HEATR5A: variants seen among roughly 807,000 people sequenced by gnomAD.
HEATR5A encodes HEAT repeat-containing protein 5A.
Under a neutral mutation model 218.8 loss-of-function variants are expected in HEATR5A, and 178 were observed. The ratio of observed to expected loss-of-function variants is 0.81; its 90% CI spans 0.72 to 0.92. The LOEUF (loss-of-function observed/expected upper bound fraction) is 0.92. Among genes scored for constraint, HEATR5A ranks in the 40% least tolerant of loss-of-function variants. The pLI, the probability that HEATR5A is intolerant of heterozygous loss-of-function variation, is 0.00. For missense variants in HEATR5A, 2,420 were observed against 2,418.9 expected (o/e 1.00, Z -0.01); for synonymous variants, 864 against 871.6 (o/e 0.99, Z 0.15).
intron 10 of HEATR5A, among the ~76,000 whole-genome samples, 154 bp from the exon 11 acceptor site, chr14:31,380,732 T>G (rs893318158): frequency 1.3e-5 from 2 of 152,164 alleles, no homozygotes; most frequent in Non-Finnish European, 2.9e-5. Flanking sequence ...AATAGGACTG[T>G]CATAAAGGAA....
chr14:31,317,679 T>C (rs538592541), intron 26 of HEATR5A, among the ~76,000 whole-genome samples: 3 of 152,302 alleles, frequency 2.0e-5, no homozygotes, highest in African/African-American at 4.8e-5. Flanking sequence ...CTTAAGTATA[T>C]GAAAAAGTGC....
chr14:31,311,774 TTCC>T (rs375198284), intron 28 of HEATR5A, among the ~76,000 whole-genome samples: 1 of 152,184 alleles, frequency 6.6e-6, no homozygotes, highest in African/African-American at 2.4e-5. Context: ...TAATTTTAAT[TTCC>T]TCAGCAAGGC....
rs73259371 is a variant in HEATR5A, at chr14:31,393,490, G to A, written c.772+562C>T. 8.1e-3 allele frequency among the ~76,000 whole-genome samples: 1,228 copies of A among 152,270 alleles called. 16 individuals carry two copies. The highest frequency in any genetic ancestry group is 0.028 in the African/African-American group (1,180 of 41,556). ...GGCACCACTGCTCTCCAGACTGGGTGACAGCAGACCCTGTCACACACACAA... is the reference window on the plus strand; with the variant it reads ...GGCACCACTGCTCTCCAGACTGGGTAACAGCAGACCCTGTCACACACACAA... On this transcript the variant is annotated intron_variant, in intron 6 of 35. Coordinates refer to ENST00000543095, the MANE Select transcript of HEATR5A (RefSeq NM_015473.4).
intron 1 of HEATR5A, among the ~76,000 whole-genome samples, chr14:31,407,602 A>ATT (rs2031123118): frequency 1.0e-3 from 1 of 968 alleles, no homozygotes; most frequent in African/African-American, 1.9e-3. Context: ...ATATATATAT[A>ATT]TATATATATA....
At chr14:31,364,065 T>C (rs907655044) in intron 14 of HEATR5A, 124 bp downstream of exon 14, 18 of 547,250 alleles carry the variant, frequency 3.3e-5, no homozygotes, top group Middle Eastern at 3.6e-4. Flanking sequence ...CTAAACCTCC[T>C]AGAAACAAGG....
At position 31,337,598 on chromosome 14, in the gene HEATR5A, G is replaced by A; in HGVS notation, c.3245C>T (p.Pro1082Leu). The A allele has an allele frequency of 6.2e-7, 1 of 1,600,646 alleles. No individual in the cohort carries two copies. The highest frequency in any genetic ancestry group is 8.5e-7 in the Non-Finnish European group (1 of 1,173,666). Residue 1082 changes from proline (P) to leucine (L), a missense_variant, in exon 22 of 36, where the codon CCC becomes CTC. Transcript: ENST00000543095. ...TACTGCTCTTCTCAGTAACAAGTAG[G>A]GGCTACAAAGATTCACCTGAAAAAT... ...VSCLCVNLCS[P>L]YLLLRRAVLA...
chr14:31,380,614 A>G (rs557950911), intron 10 of HEATR5A, 36 bp from the exon 11 acceptor site: 12 of 1,337,838 alleles, frequency 9.0e-6, no homozygotes, highest in Non-Finnish European at 1.3e-5. Flanking sequence ...AAAAAAGCAT[A>G]TCAGTTTATA....
chr14:31,361,949 T>A (rs893924919), intron 14 of HEATR5A, among the ~76,000 whole-genome samples: 3 of 148,130 alleles, frequency 2.0e-5, no homozygotes, highest in South Asian at 2.1e-4. Context: ...GAAATTTATT[T>A]ATTTATTTAT....
intron 11 of HEATR5A, among the ~76,000 whole-genome samples, chr14:31,376,534 C>G (rs1426633616): frequency 6.6e-6 from 1 of 151,880 alleles, no homozygotes; most frequent in African/African-American, 2.4e-5. Context: ...TATAATGTAT[C>G]TAGCAAACAC....
In HEATR5A at chr14:31,402,443, T is replaced by C. The variant is rs371275731; in HGVS notation, c.126+407A>G. 5.3e-5 allele frequency among the ~76,000 whole-genome samples: 8 copies of C among 152,190 alleles called. No individual in the cohort carries two copies. The East Asian group carries it at 1.5e-3, about 29-fold the overall frequency. On this transcript the variant is annotated intron_variant, in intron 2 of 35. Transcript: ENST00000543095. Reference sequence around the variant, plus strand: ...AGGGAATCTGTTTATCCATAGGCTCTTGAATTCATACACCTCAAGTCTTCA... The same window carrying C: ...AGGGAATCTGTTTATCCATAGGCTCCTGAATTCATACACCTCAAGTCTTCA...
chr14:31,365,399 T>G (rs1166338760), intron 13 of HEATR5A, among the ~76,000 whole-genome samples: 1 of 151,752 alleles, frequency 6.6e-6, no homozygotes. Flanking sequence ...CTTGCTCTAT[T>G]GCCCAGGCTG....
At chr14:31,343,012 A>G (rs894946411) in intron 21 of HEATR5A, among the ~76,000 whole-genome samples, 2 of 152,168 alleles carry the variant, frequency 1.3e-5, no homozygotes, top group South Asian at 4.1e-4. Flanking sequence ...TTGAAAAGCC[A>G]TGGTGCCAAT....
In HEATR5A at chr14:31,293,041, T is replaced by C; in HGVS notation, c.*264A>G. ...AAAGCAGTGGATTGTTTAGTAAGTTTAGTTCTTTAGCACTTTCTTAAAATT... is the reference window on the plus strand; with the variant it reads ...AAAGCAGTGGATTGTTTAGTAAGTTCAGTTCTTTAGCACTTTCTTAAAATT... On this transcript the variant is annotated 3_prime_UTR_variant, in exon 36 of 36. Transcript: ENST00000543095. The C allele has an allele frequency of 2.7e-6, 1 of 367,886 alleles. No individual in the cohort carries two copies. Among genetic ancestry groups the C allele is most frequent in the Non-Finnish European group, 4.8e-6 (1 of 206,624 alleles). The allele number at this position is 367,886 out of a possible 1,614,324, so 22.8% of individuals were successfully genotyped here. A position where few individuals can be genotyped will look rare whatever the true frequency, so the allele number is the denominator to read the frequency against.
Position 31,293,005 on chromosome 14 carries a change from A to T in HEATR5A, c.*300T>A, listed in dbSNP as rs1023712956. 1 of 277,574 alleles carries T rather than the reference A, an allele frequency of 3.6e-6. No individual in the cohort carries two copies. The highest frequency in any genetic ancestry group is 6.7e-6 in the Non-Finnish European group (1 of 148,524). The allele number at this position is 277,574 out of a possible 1,614,324, so 17.2% of individuals were successfully genotyped here. ...ATGTATGGACTGTTAGAAGAAATTCATTTCATTTTTAAAGCAGTGGATTGT... is the reference window on the plus strand; with the variant it reads ...ATGTATGGACTGTTAGAAGAAATTCTTTTCATTTTTAAAGCAGTGGATTGT... On this transcript the variant is annotated 3_prime_UTR_variant, in exon 36 of 36. Coordinates refer to ENST00000543095, the MANE Select transcript of HEATR5A (RefSeq NM_015473.4).
chr14:31,394,962 T>C (rs1352042119), intron 5 of HEATR5A, among the ~76,000 whole-genome samples: 1 of 152,052 alleles, frequency 6.6e-6, no homozygotes, highest in Non-Finnish European at 1.5e-5. Flanking sequence ...CATAGTAGAG[T>C]AGAATGAATA....
At chr14:31,334,281 G>A (rs772246638) in intron 22 of HEATR5A, 7 of 386,450 alleles carry the variant, frequency 1.8e-5, no homozygotes, top group Middle Eastern at 3.7e-4. Flanking sequence ...TCCATTCGCA[G>A]ATTAAGGAGT....
At chr14:31,306,432 G>A (rs535610181) in intron 31 of HEATR5A, among the ~76,000 whole-genome samples, 1 of 152,274 alleles carries the variant, frequency 6.6e-6, no homozygotes, top group African/African-American at 2.4e-5. Flanking sequence ...GCAGTGAGGC[G>A]AGATCGTGCC....
intron 28 of HEATR5A, 102 bp downstream of exon 28, chr14:31,312,866 C>T: frequency 1.0e-6 from 1 of 1,004,226 alleles, no homozygotes. Context: ...CCATGGCACT[C>T]CAGCCTGGGA....
At chr14:31,338,096 A>G (rs1410343053) in intron 21 of HEATR5A, among the ~76,000 whole-genome samples, 2 of 152,174 alleles carry the variant, frequency 1.3e-5, no homozygotes, top group Non-Finnish European at 2.9e-5. Flanking sequence ...TAGATCCATC[A>G]CTTACTAGCT....
Sources: allele counts gnomAD v4.1 joint callset (sites outside exome capture counted in the v4.1 genomes callset), GRCh38; gene constraint gnomAD v4.1.1; transcripts MANE v1.5; gene names NCBI Gene and HGNC (gene_info 2026-07-23, HGNC 2026-07-21).